Variants in GRSF1 observed in about 807,000 individuals in gnomAD.
GRSF1 encodes the protein G-rich RNA sequence binding factor 1.
In GRSF1, 50 loss-of-function variants were observed where a neutral mutation model predicts 51.1. That is an observed-to-expected ratio of 0.98 (90% CI 0.78 to 1.24). GRSF1 has a LOEUF of 1.24. GRSF1 is among the 50% of genes most tolerant of loss of function. GRSF1 has a pLI of 0.00. For synonymous variants in GRSF1, 293 were observed against 253.3 expected (o/e 1.16, Z -1.49); for missense variants, 700 against 639.7 (o/e 1.09, Z -1.02).
rs1733364730 is a variant in GRSF1, at chr4:70,817,710, T to G, written c.*3177A>C. ...CATGTTGGAACAGTTTGGCAGTTTC[T>G]TCCAAAACTAAACATACTCTTAACT... On this transcript the variant is annotated 3_prime_UTR_variant, in exon 10 of 10. Transcript: ENST00000254799. The G allele has an allele frequency of 6.6e-6, 1 of 152,212 alleles. No individual in the cohort carries two copies. Among genetic ancestry groups the G allele is most frequent in the Admixed American group, 6.5e-5 (1 of 15,284 alleles). 9.4% of individuals were successfully genotyped at this position (152,212 alleles called of 1,614,324 possible). A position where few individuals can be genotyped will look rare whatever the true frequency, so the allele number is the denominator to read the frequency against.
upstream of GRSF1, among the ~76,000 whole-genome samples, chr4:70,841,170 G>C (rs1033347385): frequency 1.3e-5 from 2 of 152,190 alleles, no homozygotes; most frequent in African/African-American, 4.8e-5. Flanking sequence ...GCGTGGGCCT[G>C]TAGTCCCAGC....
chr4:70,828,823 T>C (rs1052988755), intron 5 of GRSF1, among the ~76,000 whole-genome samples: 5 of 151,092 alleles, frequency 3.3e-5, no homozygotes, highest in African/African-American at 7.3e-5. Flanking sequence ...CTGCAACCTC[T>C]GCCTCCTGGG....
At chr4:70,827,337 A>C (rs1417150933) in intron 6 of GRSF1, among the ~76,000 whole-genome samples, 1 of 152,028 alleles carries the variant, frequency 6.6e-6, no homozygotes, top group Non-Finnish European at 1.5e-5. Context: ...CATTATCCAA[A>C]TCTTCCCCCA....
In GRSF1 at chr4:70,826,255, G is replaced by T; in HGVS notation, c.1136-10C>A. On this transcript the variant is annotated splice_polypyrimidine_tract_variant and intron_variant, in intron 6 of 9. Transcript: ENST00000254799. ...ACCTCCTTAGGCAATTCTGAGAGGT[G>T]GAACAGAAAGCACTGTTAAAACATA... 1.9e-6 allele frequency: 3 copies of T among 1,594,090 alleles called. No individual in the cohort carries two copies. Among genetic ancestry groups the T allele is most frequent in the Admixed American group, 3.7e-5 (2 of 53,484 alleles).
intron 6 of GRSF1, among the ~76,000 whole-genome samples, chr4:70,827,249 C>G (rs1167085401): frequency 2.0e-5 from 3 of 150,700 alleles, no homozygotes; most frequent in Non-Finnish European, 4.4e-5. Context: ...GAGTGCGCCA[C>G]TGCACTCCAG....
In GRSF1 at chr4:70,825,991, C is replaced by T. The variant is rs970295036; in HGVS notation, c.1257+133G>A. ...ACAGAAAAAGAAGCAAGCTTTGCAA[C>T]CAGGAAGATGCCATCTTACTATCCA... On this transcript the variant is annotated intron_variant, in intron 7 of 9. Coordinates refer to ENST00000254799, the MANE Select transcript of GRSF1 (RefSeq NM_002092.4). 10 of 729,176 alleles carry T rather than the reference C, an allele frequency of 1.4e-5. No homozygotes were observed. The African/African-American group carries it at 1.8e-4, about 13-fold the overall frequency. The allele number at this position is 729,176 out of a possible 1,614,324, so 45.2% of individuals were successfully genotyped here. A position where few individuals can be genotyped will look rare whatever the true frequency, so the allele number is the denominator to read the frequency against.
chr4:70,842,936 C>T (rs1402736650), upstream of GRSF1, among the ~76,000 whole-genome samples: 2 of 152,070 alleles, frequency 1.3e-5, no homozygotes, highest in African/African-American at 2.4e-5. Flanking sequence ...GTCACACGCT[C>T]TCTCACAGCA....
At position 70,832,293 on chromosome 4, in the gene GRSF1, C is replaced by T. The variant is rs748469068; in HGVS notation, c.814+14G>A. On this transcript the variant is annotated intron_variant, in intron 4 of 9. Transcript: ENST00000254799. ...AAGATATGAGCTCCCAAGCATAATA[C>T]AACTGCAAAGTACCTGCAAAGAAGT... 6 of 1,610,554 alleles carry T rather than the reference C, an allele frequency of 3.7e-6. No homozygotes were observed. The highest frequency in any genetic ancestry group is 1.7e-4 in the Middle Eastern group (1 of 6,050).
intron 1 of GRSF1, chr4:70,838,979 A>G: frequency 2.4e-6 from 1 of 415,646 alleles, no homozygotes; most frequent in Non-Finnish European, 4.3e-6. Flanking sequence ...CTTCCCTACA[A>G]GCCAGCCCAC....
intron 5 of GRSF1, among the ~76,000 whole-genome samples, chr4:70,830,243 A>T (rs1733903800): frequency 6.6e-6 from 1 of 152,050 alleles, no homozygotes; most frequent in Admixed American, 6.6e-5. Flanking sequence ...CCAGGGCAAC[A>T]CAGCAAGACC....
chr4:70,828,165 T>C (rs780963679), intron 5 of GRSF1, 129 bp from the exon 6 acceptor site: 25 of 665,056 alleles, frequency 3.8e-5, no homozygotes, highest in South Asian at 7.3e-5. Flanking sequence ...AGATAACAGG[T>C]AGGGAAAACT....
At position 70,831,543 on chromosome 4, in the gene GRSF1, T is replaced by C; in HGVS notation, c.946A>G (p.Asn316Asp). The C allele has an allele frequency of 1.2e-6, 2 of 1,613,228 alleles. No homozygotes were observed. Among genetic ancestry groups the C allele is most frequent in the Non-Finnish European group, 8.5e-7 (1 of 1,179,572 alleles). ...ALLKHREEIGNRYIEIFPSRR... is the reference protein window; with the variant it reads ...ALLKHREEIGDRYIEIFPSRR... ...ATTAGTATCTGCTTTACTCACCGATTACCAATTTCTTCCCTGTGTTTCAAC... is the reference window on the plus strand; with the variant it reads ...ATTAGTATCTGCTTTACTCACCGATCACCAATTTCTTCCCTGTGTTTCAAC... The change falls in exon 5 of 10, where the codon AAT becomes GAT. Residue 316 changes from asparagine to aspartate, a missense_variant. By Grantham distance (23) the Asn-to-Asp change is conservative. Transcript: ENST00000254799.
chr4:70,839,490 G>C lies in GRSF1; in HGVS notation c.338C>G (p.Pro113Arg), dbSNP rs6832675. Residue 113 changes from proline (P) to arginine (R), a missense_variant, in exon 1 of 10, where the codon CCG becomes CGG. Physicochemically the swap from Pro to Arg is moderately radical, Grantham distance 103. Coordinates refer to ENST00000254799, the MANE Select transcript of GRSF1 (RefSeq NM_002092.4). ...ACGTACCTGGCTGTAGCTGCGCGTC[G>C]GGACGGCGGCCGCCGCCGCCAGCGA... ...PQSLAAAAAV[P>R]TRSYSQESKT... 7.7e-5 allele frequency: 110 copies of C among 1,429,466 alleles called. No homozygotes were observed. In the African/African-American group the frequency reaches 1.3e-3, roughly 17 times the overall value. 88.5% of individuals were successfully genotyped at this position (1,429,466 alleles called of 1,614,324 possible).
intron 5 of GRSF1, among the ~76,000 whole-genome samples, chr4:70,829,973 CAAAGTT>C (rs1039676934): frequency 5.9e-5 from 9 of 152,084 alleles, no homozygotes; most frequent in African/African-American, 2.2e-4. Flanking sequence ...ACTGTACCTC[CAAAGTT>C]AAAGTTAAAA....
chr4:70,837,957 C>A (rs62323437), intron 1 of GRSF1, among the ~76,000 whole-genome samples: 1 of 151,614 alleles, frequency 6.6e-6, no homozygotes, highest in Non-Finnish European at 1.5e-5. Flanking sequence ...TTAGGCCGGG[C>A]GCGGTGGCTC....
upstream of GRSF1, among the ~76,000 whole-genome samples, chr4:70,842,863 C>T (rs140770468): frequency 1.3e-5 from 2 of 152,048 alleles, no homozygotes; most frequent in Non-Finnish European, 1.5e-5. Flanking sequence ...GGCGACATCC[C>T]GTATCTACTA....
chr4:70,837,205 G>T (rs566806605), intron 1 of GRSF1, among the ~76,000 whole-genome samples: 1 of 152,292 alleles, frequency 6.6e-6, no homozygotes, highest in African/African-American at 2.4e-5. Context: ...AGTAAAACTG[G>T]AATTTAGTAA....
In GRSF1 at chr4:70,818,243, C is replaced by A. The variant is rs1733382392; in HGVS notation, c.*2644G>T. On this transcript the variant is annotated 3_prime_UTR_variant, in exon 10 of 10. Coordinates refer to ENST00000254799, the MANE Select transcript of GRSF1 (RefSeq NM_002092.4). ...TAGAGCCGGAGTTTCACTAAGTTGG[C>A]CAGGCTAATCTTGAACTCCTGACCT... 6.6e-6 allele frequency: 1 copy of A among 152,122 alleles called. No individual in the cohort carries two copies. Among genetic ancestry groups the A allele is most frequent in the Non-Finnish European group, 1.5e-5 (1 of 68,052 alleles). The allele number at this position is 152,122 out of a possible 1,614,324, so 9.4% of individuals were successfully genotyped here.
Position 70,839,534 on chromosome 4 carries a change from A to T in GRSF1, c.294T>A (p.Arg98=), listed in dbSNP as rs781130229. 1 of 1,449,390 alleles carries T rather than the reference A, an allele frequency of 6.9e-7. No individual in the cohort carries two copies. The highest frequency in any genetic ancestry group is 2.6e-5 in the Admixed American group (1 of 38,114). 89.8% of individuals were successfully genotyped at this position (1,449,390 alleles called of 1,614,324 possible). The part of the protein sequence containing the change: ...AAAAASYSAL[R]ASLLPQSLAA... ...CCAGCGACTGCGGCAGCAGAGAGGCACGGAGGGCAGAGTAGGACGCGGCGG... is the reference window on the plus strand; with the variant it reads ...CCAGCGACTGCGGCAGCAGAGAGGCTCGGAGGGCAGAGTAGGACGCGGCGG... The change falls in exon 1 of 10, where the codon CGT becomes CGA. Residue 98 remains arginine (R), a synonymous_variant. Coordinates refer to ENST00000254799, the MANE Select transcript of GRSF1 (RefSeq NM_002092.4).
Sources: gnomAD v4.1 joint callset for allele counts (sites outside exome capture counted in the v4.1 genomes callset) on GRCh38, gnomAD v4.1.1 for gene constraint, MANE v1.5 for transcripts, NCBI Gene and HGNC (gene_info 2026-07-23, HGNC 2026-07-21) for gene names.